Variants in SHCBP1 observed in about 807,000 individuals in gnomAD.
The protein encoded by SHCBP1 is SHC SH2 domain-binding protein 1.
A neutral mutation model predicts 75.1 loss-of-function variants in SHCBP1; 60 were observed. The ratio of observed to expected loss-of-function variants is 0.80; its 90% CI spans 0.65 to 0.99. The LOEUF is 0.99. Ranked by LOEUF, SHCBP1 falls within the 50% of genes least tolerant of loss-of-function variation. The pLI, the probability that SHCBP1 is intolerant of heterozygous loss-of-function variation, is 0.00. For missense variants in SHCBP1, 709 were observed against 809.4 expected (o/e 0.88, Z 1.50); for synonymous variants, 290 against 293.2 (o/e 0.99, Z 0.11).
intron 9 of SHCBP1, among the ~76,000 whole-genome samples, chr16:46,599,270 C>T (rs761356662): frequency 6.6e-6 from 1 of 152,120 alleles, no homozygotes; most frequent in African/African-American, 2.4e-5. Context: ...TTAAACATTT[C>T]TAATTTTTAA....
chr16:46,592,066 C>A, intron 10 of SHCBP1, among the ~76,000 whole-genome samples: 1 of 150,204 alleles, frequency 6.7e-6, no homozygotes, highest in African/African-American at 2.5e-5. Context: ...AAAATAAATC[C>A]AAAACAAGCA....
intron 10 of SHCBP1, among the ~76,000 whole-genome samples, chr16:46,593,160 G>GA (rs893881968): frequency 6.6e-6 from 1 of 150,766 alleles, no homozygotes; most frequent in Admixed American, 6.6e-5. Flanking sequence ...GATTAGAAAA[G>GA]AAAAAAAAGA....
rs1348465123 is a variant in SHCBP1, at chr16:46,581,906, A to G, written c.1842T>C (p.Ile614=). ...TGGAGGCAGCAATTAGTTCATTTAC[A>G]ATTTCACAATTTCCCTCGACTTGCT... The part of the protein sequence containing the change: ...PSEQVEGNCE[I]VNELIAASTQ... The change falls in exon 13 of 13, where the codon ATT becomes ATC. Residue 614 remains isoleucine, a synonymous_variant. Transcript: ENST00000303383. 2 of 1,614,098 alleles carry G rather than the reference A, an allele frequency of 1.2e-6. No homozygotes were observed. The highest frequency in any genetic ancestry group is 3.3e-5 in the Admixed American group (2 of 60,008).
chr16:46,595,752 C>T, intron 9 of SHCBP1, 82 bp from the exon 10 acceptor site: 1 of 906,514 alleles, frequency 1.1e-6, no homozygotes, highest in Non-Finnish European at 1.7e-6. Flanking sequence ...CTGACATTAG[C>T]TATGGTCTAA....
At chr16:46,604,865 C>T (rs1325166260) in intron 5 of SHCBP1, among the ~76,000 whole-genome samples, 1 of 152,118 alleles carries the variant, frequency 6.6e-6, no homozygotes, top group African/African-American at 2.4e-5. Flanking sequence ...AGCAGTTTCT[C>T]AAATTGTTTC....
intron 8 of SHCBP1, among the ~76,000 whole-genome samples, chr16:46,601,596 A>C (rs1965237992): frequency 6.6e-6 from 1 of 152,188 alleles, no homozygotes; most frequent in African/African-American, 2.4e-5. Context: ...GGGGCCCTAG[A>C]GAATGCAAGG....
chr16:46,603,951 T>A (rs1159569591), intron 7 of SHCBP1, 24 bp downstream of exon 7: 1 of 1,592,480 alleles, frequency 6.3e-7, no homozygotes, highest in African/African-American at 1.4e-5. Context: ...AAAAGCCACC[T>A]GGAGTGAGAA....
Position 46,616,032 on chromosome 16 carries a change from C to T in SHCBP1, c.510G>A (p.Glu170=). 2 of 1,614,220 alleles carry T rather than the reference C, an allele frequency of 1.2e-6. No individual in the cohort carries two copies. Among genetic ancestry groups the T allele is most frequent in the Non-Finnish European group, 1.7e-6 (2 of 1,180,042 alleles). The change falls in exon 4 of 13, where the codon GAG becomes GAA. Residue 170 remains glutamate (E), a synonymous_variant. Coordinates refer to ENST00000303383, the MANE Select transcript of SHCBP1 (RefSeq NM_024745.5). This position sits in a 1 kb window ranked among gnomAD's most constrained non-coding sequence, Gnocchi z 4.4. The stretch of plus-strand genomic sequence containing the variant: ...ACAGCTCCTGCAGGGGCAACCGATG[C>T]TCCTTCAGATCAAGGAGCTCCTTCA... ...ECMKELLDLK[E]HRLPLQELWV...
chr16:46,617,825 A>T, intron 2 of SHCBP1, 76 bp from the exon 3 acceptor site: 2 of 1,105,036 alleles, frequency 1.8e-6, no homozygotes, highest in Non-Finnish European at 2.7e-6. Flanking sequence ...CTTTCTCAGA[A>T]ACAACTGGCA....
At chr16:46,605,518 G>C (rs1965311544) in intron 5 of SHCBP1, among the ~76,000 whole-genome samples, 1 of 152,088 alleles carries the variant, frequency 6.6e-6, no homozygotes. Context: ...AGCCCCAGGG[G>C]TCAAGGCTGC....
At position 46,604,010 on chromosome 16, in the gene SHCBP1, A is replaced by G. The variant is rs1199375603; in HGVS notation, c.1057T>C (p.Cys353Arg). 10 of 1,613,832 alleles carry G rather than the reference A, an allele frequency of 6.2e-6. No homozygotes were observed. The highest frequency in any genetic ancestry group is 8.5e-6 in the Non-Finnish European group (10 of 1,179,962). ...LLRSLLTDRL[C>R]QEPGEEEREI... is the part of the protein sequence containing the mutation. ...CTTTCTTCCTCACCAGGCTCCTGGC[A>G]AAGCCTGTCCGTAAGCAGGGACCGC... The change falls in exon 7 of 13, where the codon TGC becomes CGC. Residue 353 changes from cysteine to arginine, a missense_variant. Cys to Arg is a radical substitution (Grantham distance 180, BLOSUM62 -3). Transcript: ENST00000303383.
chr16:46,595,620 T>C lies in SHCBP1; in HGVS notation c.1396A>G (p.Thr466Ala). The change falls in exon 10 of 13, where the codon ACG (threonine) becomes GCG (alanine). Residue 466 changes from threonine to alanine, a missense_variant. By Grantham distance (58) the Thr-to-Ala change is moderately conservative. Coordinates refer to ENST00000303383, the MANE Select transcript of SHCBP1 (RefSeq NM_024745.5). ...GATGTCCGCACTGTGACTCCGGTCG[T>C]CTCACACTGCAGCACACAGTTTTCC... ...TLENCVLQCE[T>A]TGVTVRTSAE... 6.2e-7 allele frequency: 1 copy of C among 1,614,172 alleles called. No homozygotes were observed. The highest frequency in any genetic ancestry group is 1.1e-5 in the South Asian group (1 of 91,080).
intron 10 of SHCBP1, among the ~76,000 whole-genome samples, chr16:46,593,085 G>A (rs989349639): frequency 6.6e-6 from 1 of 150,654 alleles, no homozygotes; most frequent in African/African-American, 2.4e-5. Context: ...AGGTAAGGAT[G>A]TCTGCTTTCA....
At chr16:46,605,717 A>C (rs911615697) in intron 5 of SHCBP1, among the ~76,000 whole-genome samples, 1 of 152,210 alleles carries the variant, frequency 6.6e-6, no homozygotes, top group Non-Finnish European at 1.5e-5. Context: ...GCCAAGAGTG[A>C]GAACGATTGC....
At chr16:46,594,242 A>G (rs563387697) in intron 10 of SHCBP1, among the ~76,000 whole-genome samples, 1 of 152,330 alleles carries the variant, frequency 6.6e-6, no homozygotes, top group Non-Finnish European at 1.5e-5. Context: ...AAACTGATAC[A>G]GTGGACTTCA....
chr16:46,603,156 A>T (rs1444251086), intron 8 of SHCBP1, among the ~76,000 whole-genome samples: 2 of 152,256 alleles, frequency 1.3e-5, no homozygotes, highest in Non-Finnish European at 2.9e-5. Context: ...AACATCTATG[A>T]GATAAGAGCA....
At chr16:46,594,868 A>C (rs556118533) in intron 10 of SHCBP1, among the ~76,000 whole-genome samples, 2 of 152,348 alleles carry the variant, frequency 1.3e-5, no homozygotes, top group Admixed American at 6.5e-5. Flanking sequence ...GTGACAAAAC[A>C]AACCGTGGAA....
At chr16:46,611,115 G>A (rs1453423726) in intron 4 of SHCBP1, among the ~76,000 whole-genome samples, 1 of 152,156 alleles carries the variant, frequency 6.6e-6, no homozygotes, top group East Asian at 1.9e-4. Context: ...CACATGAGGT[G>A]AATTCTGTGT....
At chr16:46,585,542 G>A (rs533260535) in intron 10 of SHCBP1, among the ~76,000 whole-genome samples, 12 of 152,246 alleles carry the variant, frequency 7.9e-5, no homozygotes, top group Non-Finnish European at 4.4e-5. Flanking sequence ...CTGCTCTAAC[G>A]AAAGGACTAG....
Sources: gnomAD v4.1 joint callset for allele counts (sites outside exome capture counted in the v4.1 genomes callset) on GRCh38, gnomAD v4.1.1 for gene constraint, Gnocchi (gnomAD v3.1) non-coding constraint, MANE v1.5 for transcripts, NCBI Gene and HGNC (gene_info 2026-07-23, HGNC 2026-07-21) for gene names.